The following CRX variants were observed in gnomAD, a reference collection of about 807,000 sequenced individuals.
CRX encodes cone-rod homeobox.
Under a neutral mutation model 13.1 loss-of-function variants are expected in CRX, and 5 were observed. That is an observed-to-expected ratio of 0.38 (90% confidence interval 0.20 to 0.80). The LOEUF (loss-of-function observed/expected upper bound fraction) is 0.80. Ranked by LOEUF, CRX falls within the 30% of genes least tolerant of loss-of-function variation. The pLI is 0.43. For missense variants in CRX, 351 were observed against 391.8 expected, an observed-to-expected ratio of 0.90 and a Z score of 0.88; for synonymous variants, 179 against 171.1, an observed-to-expected ratio of 1.05 and a Z score of -0.36.
At chr19:47,823,475 C>T (rs946458463) in intron 1 of CRX, among the ~76,000 whole-genome samples, 1 of 152,106 alleles carries the variant, frequency 6.6e-6, no homozygotes, top group Non-Finnish European at 1.5e-5. Flanking sequence ...ATCCCAGCTT[C>T]CCCCAGGTCT....
chr19:47,822,639 G>T (rs1480403408), intron 1 of CRX, among the ~76,000 whole-genome samples: 3 of 152,202 alleles, frequency 2.0e-5, no homozygotes, highest in Non-Finnish European at 4.4e-5. Flanking sequence ...GATGACTGGG[G>T]ATCACTGTGC....
chr19:47,839,355 G>T lies in CRX; in HGVS notation c.288G>T (p.Gln96His). The T allele has an allele frequency of 1.9e-6, 3 of 1,613,602 alleles. No individual in the cohort carries two copies. Among genetic ancestry groups the T allele is most frequent in the Non-Finnish European group, 2.5e-6 (3 of 1,179,818 alleles). The part of the protein sequence containing the change: ...WFKNRRAKCR[Q>H]QRQQQKQQQQ... ...AGAACCGGAGGGCTAAATGCAGGCA[G>T]CAGCGACAGCAGCAGAAACAGCAGC... Residue 96 changes from glutamine (Q) to histidine (H), a missense_variant, in exon 4 of 4, where the codon CAG becomes CAT. Gln to His is a conservative substitution (Grantham distance 24). This residue lies in a region of CRX where 253 missense variants were observed against 268.3 expected (regional missense o/e 0.94). Coordinates refer to ENST00000221996, the MANE Select transcript of CRX (RefSeq NM_000554.6). This position sits in a 1 kb window ranked among gnomAD's most constrained non-coding sequence, Gnocchi z 4.6.
Position 47,840,391 on chromosome 19 carries a change from ATT to A in CRX, c.*434_*435del. 3.1e-5 allele frequency: 6 copies of A among 196,080 alleles called. No homozygotes were observed. Among genetic ancestry groups the A allele is most frequent in the South Asian group, 8.5e-5 (1 of 11,740 alleles). The allele number at this position is 196,080 out of a possible 1,614,324, so 12.1% of individuals were successfully genotyped here. Reference sequence around the variant, plus strand: ...TAACTTAACTTTCCACGTGGACAGAATTTTTTTTTTTGTTTTGTTTTTGTTTT... The same window carrying A: ...TAACTTAACTTTCCACGTGGACAGAATTTTTTTTTGTTTTGTTTTTGTTTT... On this transcript the variant is annotated 3_prime_UTR_variant, in exon 4 of 4. Transcript: ENST00000221996.
chr19:47,823,460 C>T lies in CRX; in HGVS notation c.-36+1450C>T, dbSNP rs114089047. ...TGATTTGCTCAGGCTCTAACTGTGC[C>T]GTGGATCCCAGCTTCCCCCAGGTCT... On this transcript the variant is annotated intron_variant, in intron 1 of 3. Coordinates refer to ENST00000221996, the MANE Select transcript of CRX (RefSeq NM_000554.6). Among the ~76,000 whole-genome samples the T allele has an allele frequency of 6.7e-3, 1,024 of 152,226 alleles. 12 individuals are homozygous for T. The highest frequency in any genetic ancestry group is 0.023 in the African/African-American group (951 of 41,528).
At chr19:47,823,364 TC>T (rs1479985992) in intron 1 of CRX, among the ~76,000 whole-genome samples, 6 of 152,124 alleles carry the variant, frequency 3.9e-5, no homozygotes, top group Non-Finnish European at 8.8e-5. Context: ...CAGAGTGAGG[TC>T]CGACTTCAGG....
Position 47,827,999 on chromosome 19 carries a change from C to CA in CRX, c.-36+5994dup, listed in dbSNP as rs374064726. ...TGAAACCCCATCTCTACTAAAAATA[C>CA]AAAAATTAGCCAGGTATGGTGGCAG... On this transcript the variant is annotated intron_variant, in intron 1 of 3. Coordinates refer to ENST00000221996, the MANE Select transcript of CRX (RefSeq NM_000554.6). Among the ~76,000 whole-genome samples, 1,469 of 150,472 alleles carry CA rather than the reference C, an allele frequency of 9.8e-3. 22 individuals are homozygous for CA. The highest frequency in any genetic ancestry group is 0.034 in the African/African-American group (1,388 of 41,068).
rs756105390 is a variant in CRX at position 47,839,751 on chromosome 19, G to C, written c.684G>C (p.Gln228His). ...LDPYLSPMVP[Q>H]LGGPALSPLS... ...CCTACCTTTCTCCCATGGTGCCCCA[G>C]CTAGGGGGCCCGGCTCTTAGCCCCC... is the stretch of plus-strand genomic sequence containing the variant. Residue 228 changes from glutamine (Q) to histidine (H), a missense_variant, in exon 4 of 4, where the codon CAG becomes CAC. Coordinates refer to ENST00000221996, the MANE Select transcript of CRX (RefSeq NM_000554.6). The surrounding 1 kb of genome is among the most constrained non-coding windows in gnomAD (Gnocchi z 4.6). 4 of 1,614,038 alleles carry C rather than the reference G, an allele frequency of 2.5e-6. No individual in the cohort carries two copies. In the East Asian group the frequency reaches 8.9e-5, roughly 36 times the overall value.
At chr19:47,836,640 C>T (rs911529638) in intron 3 of CRX, among the ~76,000 whole-genome samples, 8 of 152,236 alleles carry the variant, frequency 5.3e-5, no homozygotes, top group African/African-American at 7.2e-5. Flanking sequence ...CCTTTGCACT[C>T]AGTTTCCTCT....
At chr19:47,824,008 G>A (rs1967944735) in intron 1 of CRX, among the ~76,000 whole-genome samples, 1 of 152,098 alleles carries the variant, frequency 6.6e-6, no homozygotes, top group African/African-American at 2.4e-5. Flanking sequence ...CCTCATGTGG[G>A]CTCTCTGGGC....
Position 47,839,457 on chromosome 19 carries a change from T to C in CRX, c.390T>C (p.Asp130=), listed in dbSNP as rs973843718. 9.3e-6 allele frequency: 15 copies of C among 1,613,966 alleles called. No individual in the cohort carries two copies. Among genetic ancestry groups the C allele is most frequent in the Non-Finnish European group, 1.3e-5 (15 of 1,179,926 alleles). The change falls in exon 4 of 4, where the codon GAT becomes GAC. Residue 130 remains aspartate (D), a synonymous_variant. Coordinates refer to ENST00000221996, the MANE Select transcript of CRX (RefSeq NM_000554.6). The surrounding 1 kb of genome is among the most constrained non-coding windows in gnomAD (Gnocchi z 4.6). ...GCACGTCCCCAAGACCCTCCACAGA[T>C]GTGTGTCCAGACCCTCTGGGCATCT... ...KAGTSPRPST[D]VCPDPLGISD...
intron 2 of CRX, among the ~76,000 whole-genome samples, chr19:47,835,890 G>C (rs935006019): frequency 1.3e-5 from 2 of 152,034 alleles, no homozygotes; most frequent in Non-Finnish European, 2.9e-5. Flanking sequence ...CAAAGTGCTG[G>C]GATTATAGGC....
chr19:47,823,925 C>T (rs1359720993), intron 1 of CRX, among the ~76,000 whole-genome samples: 5 of 152,322 alleles, frequency 3.3e-5, no homozygotes, highest in African/African-American at 1.2e-4. Context: ...GCTGGGATTA[C>T]AGGCGTGAGC....
chr19:47,827,265 C>A (rs534138320), intron 1 of CRX, among the ~76,000 whole-genome samples: 1 of 152,080 alleles, frequency 6.6e-6, no homozygotes. Context: ...GTTCTTTCTG[C>A]TTTTCTCCAT....
intron 1 of CRX, among the ~76,000 whole-genome samples, chr19:47,823,484 C>T (rs905015399): frequency 6.6e-6 from 1 of 152,142 alleles, no homozygotes; most frequent in African/African-American, 2.4e-5. Context: ...TCCCCCAGGT[C>T]TCATGGCCGG....
intron 2 of CRX, among the ~76,000 whole-genome samples, chr19:47,835,301 G>A (rs1170616968): frequency 1.3e-5 from 2 of 151,356 alleles, no homozygotes; most frequent in African/African-American, 4.9e-5. Context: ...CAAATAATCC[G>A]CCTGACTCAG....
chr19:47,828,070 C>T (rs560803943), intron 1 of CRX, among the ~76,000 whole-genome samples: 19 of 151,672 alleles, frequency 1.3e-4, no homozygotes, highest in African/African-American at 4.6e-4. Flanking sequence ...AGGAGAATCA[C>T]TTGACCCTGG....
Position 47,840,124 on chromosome 19 carries a change from C to G in CRX, c.*157C>G. 1.3e-6 allele frequency: 1 copy of G among 781,966 alleles called. No individual in the cohort carries two copies. Among genetic ancestry groups the G allele is most frequent in the Non-Finnish European group, 2.1e-6 (1 of 481,252 alleles). 48.4% of individuals were successfully genotyped at this position (781,966 alleles called of 1,614,324 possible). On this transcript the variant is annotated 3_prime_UTR_variant, in exon 4 of 4. Transcript: ENST00000221996. ...GGTGTTCAGCTTACAGAGACCACCC[C>G]TTTCCTCCACAGGGAGAGGCTCCTC...
intron 2 of CRX, 96 bp downstream of exon 2, chr19:47,834,639 G>A (rs1205538655): frequency 1.1e-6 from 1 of 916,972 alleles, no homozygotes; most frequent in Non-Finnish European, 1.8e-6. Context: ...CAATCACAGG[G>A]GCGACTTCAG....
chr19:47,836,264 G>C lies in CRX; in HGVS notation c.122G>C (p.Arg41Pro). ...PYPSAPRKQR[R>P]ERTTFTRSQL... is the part of the protein sequence containing the mutation. ...CCAGGCGCCCCCAGGAAGCAGCGGC[G>C]GGAGCGCACCACCTTCACCCGGAGC... The change falls in exon 3 of 4, where the codon CGG (arginine) becomes CCG (proline). Residue 41 changes from arginine to proline, a missense_variant. Arg to Pro is a moderately radical substitution (Grantham distance 103). Transcript: ENST00000221996. 3 of 1,614,136 alleles carry C rather than the reference G, an allele frequency of 1.9e-6. No homozygotes were observed. The highest frequency in any genetic ancestry group is 1.7e-6 in the Non-Finnish European group (2 of 1,180,018).
Sources: allele counts gnomAD v4.1 joint callset (sites outside exome capture counted in the v4.1 genomes callset), GRCh38; gene constraint gnomAD v4.1.1; regional missense constraint gnomAD v4.1.1; non-coding constraint Gnocchi (gnomAD v3.1); transcripts MANE v1.5; gene names NCBI Gene and HGNC (gene_info 2026-07-23, HGNC 2026-07-21).